ITGB1: variants seen among roughly 807,000 people sequenced by gnomAD.
ITGB1 encodes integrin subunit beta 1.
Under a neutral mutation model 86.5 loss-of-function variants are expected in ITGB1, and 24 were observed. The ratio of observed to expected loss-of-function variants is 0.28; its 90% CI spans 0.20 to 0.39. The LOEUF is 0.39. Among genes scored for constraint, ITGB1 ranks in the 10% least tolerant of loss-of-function variants. ITGB1 has a pLI of 1.00. For synonymous variants in ITGB1, 323 were observed against 316.8 expected, an observed-to-expected ratio of 1.02 and a Z score of -0.21; for missense variants, 556 against 946.9, an observed-to-expected ratio of 0.59 and a Z score of 5.42.
chr10:32,923,896 C>A (rs1191663819), intron 6 of ITGB1, among the ~76,000 whole-genome samples, 156 bp from the exon 7 acceptor site: 1 of 152,226 alleles, frequency 6.6e-6, no homozygotes, highest in Non-Finnish European at 1.5e-5. Context: ...CTGAGAAACA[C>A]ACAAAGCCCA....
At chr10:32,930,579 T>C (rs2094980236) in intron 3 of ITGB1, among the ~76,000 whole-genome samples, 1 of 152,208 alleles carries the variant, frequency 6.6e-6, no homozygotes, top group South Asian at 2.1e-4. Context: ...ATTAAATAAG[T>C]ATTCCCACAG....
At chr10:32,957,696 G>C (rs2095055461) in intron 1 of ITGB1, 1 of 152,250 alleles carries the variant, frequency 6.6e-6, no homozygotes, top group Non-Finnish European at 1.5e-5. Flanking sequence ...AAAGGCACCG[G>C]ACCCGTCCAG....
chr10:32,904,432 A>C (rs902311868), intron 15 of ITGB1, among the ~76,000 whole-genome samples: 2 of 152,232 alleles, frequency 1.3e-5, no homozygotes, highest in African/African-American at 4.8e-5. Flanking sequence ...ATAATGCAGA[A>C]GTGTGGGAGA....
intron 15 of ITGB1, among the ~76,000 whole-genome samples, chr10:32,903,523 C>T (rs150190686): frequency 1.4e-4 from 21 of 152,090 alleles, no homozygotes; most frequent in African/African-American, 4.8e-4. Context: ...AAGGCTGGGT[C>T]CTGCAAGACA....
At chr10:32,907,229 T>C in intron 15 of ITGB1, 1 of 428,536 alleles carries the variant, frequency 2.3e-6, no homozygotes, top group Non-Finnish European at 4.2e-6. Flanking sequence ...TGTCTTTTTT[T>C]TTATTTCTAC....
In ITGB1 at chr10:32,913,744, A is replaced by T. The variant is rs546962229; in HGVS notation, c.1470-1620T>A. ...GGAACCAAGTTGGAAAACATTTTTC[A>T]GGATATTATCCAGGAGAACTTCCCC... is the stretch of plus-strand genomic sequence containing the variant. On this transcript the variant is annotated intron_variant, in intron 11 of 15. Transcript: ENST00000302278. Among the ~76,000 whole-genome samples, 6 of 152,386 alleles carry T rather than the reference A, an allele frequency of 3.9e-5. No homozygotes were observed. In the South Asian group the frequency reaches 1.0e-3, roughly 26 times the overall value.
chr10:32,902,838 A>G (rs2094885310), intron 15 of ITGB1, among the ~76,000 whole-genome samples: 2 of 152,222 alleles, frequency 1.3e-5, no homozygotes, highest in East Asian at 1.9e-4. Context: ...GGTGAGAGAC[A>G]TGAAAATAAG....
intron 1 of ITGB1, among the ~76,000 whole-genome samples, chr10:32,942,796 C>T (rs1318544897): frequency 6.6e-6 from 1 of 151,932 alleles, no homozygotes; most frequent in Non-Finnish European, 1.5e-5. Context: ...GCAATCCTCC[C>T]ATCTCAGCCT....
chr10:32,952,983 T>C (rs976123212), intron 1 of ITGB1, among the ~76,000 whole-genome samples: 1 of 152,206 alleles, frequency 6.6e-6, no homozygotes, highest in African/African-American at 2.4e-5. Flanking sequence ...AGGCCTTCAT[T>C]TTATATAGCC....
chr10:32,906,916 G>A (rs554327394), intron 15 of ITGB1: 8 of 455,228 alleles, frequency 1.8e-5, no homozygotes, highest in African/African-American at 4.3e-5. Flanking sequence ...TTCTAAACGC[G>A]AAGTTAACAT....
chr10:32,944,753 T>C, intron 1 of ITGB1: 1 of 712,944 alleles, frequency 1.4e-6, no homozygotes, highest in Non-Finnish European at 2.6e-6. Context: ...CATTAAACAA[T>C]GCCTTACTGC....
chr10:32,937,824 T>C (rs912111192), intron 1 of ITGB1, among the ~76,000 whole-genome samples: 1 of 152,224 alleles, frequency 6.6e-6, no homozygotes, highest in Non-Finnish European at 1.5e-5. Flanking sequence ...GCAATTATTT[T>C]TCTTGACAAA....
At chr10:32,938,782 C>T (rs1298923388) in intron 1 of ITGB1, among the ~76,000 whole-genome samples, 12 of 152,130 alleles carry the variant, frequency 7.9e-5, no homozygotes, top group Non-Finnish European at 1.2e-4. Flanking sequence ...CTGTAAAAGG[C>T]GAGGCTTTCT....
chr10:32,956,187 T>TA (rs2095051762), intron 1 of ITGB1, among the ~76,000 whole-genome samples: 1 of 152,194 alleles, frequency 6.6e-6, no homozygotes, highest in Non-Finnish European at 1.5e-5. Context: ...CAACATTATT[T>TA]AAAAATATGA....
chr10:32,931,232 AATC>A lies in ITGB1; in HGVS notation c.154-1191_154-1189del, dbSNP rs1593873600. 7.2e-5 allele frequency among the ~76,000 whole-genome samples: 11 copies of A among 152,240 alleles called. No individual in the cohort carries two copies. The East Asian group carries it at 2.1e-3, about 29-fold the overall frequency. On this transcript the variant is annotated intron_variant, in intron 3 of 15. Coordinates refer to ENST00000302278, the MANE Select transcript of ITGB1 (RefSeq NM_002211.4). ...AGTGAATTACACATTTCTAAATACT[AATC>A]AATCCACGAAATTTACAATCATGAC... is the stretch of plus-strand genomic sequence containing the variant.
chr10:32,930,701 G>C (rs2094980683), intron 3 of ITGB1, among the ~76,000 whole-genome samples: 1 of 152,026 alleles, frequency 6.6e-6, no homozygotes, highest in Non-Finnish European at 1.5e-5. Flanking sequence ...TATATGACAA[G>C]GGTAAAAGGT....
At chr10:32,957,734 C>A (rs1029667134) in intron 1 of ITGB1, 1 of 152,272 alleles carries the variant, frequency 6.6e-6, no homozygotes, top group South Asian at 2.1e-4. Context: ...AACGCCGAGC[C>A]CCGGGTGGCC....
intron 11 of ITGB1, among the ~76,000 whole-genome samples, chr10:32,918,320 G>A (rs548860404): frequency 6.6e-6 from 1 of 151,998 alleles, no homozygotes; most frequent in Non-Finnish European, 1.5e-5. Context: ...TTTTGCACAT[G>A]TACCCTAGAA....
intron 14 of ITGB1, 32 bp downstream of exon 14, chr10:32,910,191 G>T: frequency 6.7e-7 from 1 of 1,483,098 alleles, no homozygotes; most frequent in South Asian, 1.2e-5. Flanking sequence ...TACAAGATAT[G>T]AAAAGAATGT....
Sources: allele counts gnomAD v4.1 joint callset (sites outside exome capture counted in the v4.1 genomes callset), GRCh38; gene constraint gnomAD v4.1.1; transcripts MANE v1.5; gene names NCBI Gene and HGNC (gene_info 2026-07-23, HGNC 2026-07-21).